SCGB2B2: variants seen among roughly 807,000 people sequenced by gnomAD.
The protein encoded by SCGB2B2 is secretoglobin family 2B member 2.
A neutral mutation model predicts 7.6 loss-of-function variants in SCGB2B2; 11 were observed. That is an observed-to-expected ratio of 1.45 (90% confidence interval 0.91 to 2.40). The LOEUF (loss-of-function observed/expected upper bound fraction) is 2.40, where lower values mean the gene tolerates loss of function less well. Among genes scored for constraint, SCGB2B2 ranks in the 30% most tolerant of loss-of-function variants. The pLI, the probability that SCGB2B2 is intolerant of heterozygous loss-of-function variation, is 0.00. For missense variants in SCGB2B2, 104 were observed against 115.4 expected, an observed-to-expected ratio of 0.90 and a Z score of 0.45; for synonymous variants, 50 against 48.6, an observed-to-expected ratio of 1.03 and a Z score of -0.12.
chr19:34,633,906 T>G (rs768153672), intron 1 of SCGB2B2, among the ~76,000 whole-genome samples: 6 of 152,192 alleles, frequency 3.9e-5, no homozygotes, highest in Non-Finnish European at 8.8e-5. Flanking sequence ...GGGACAGCCC[T>G]GCTTCAATGG....
chr19:34,668,669 T>C (rs1371352603), intron 1 of SCGB2B2, among the ~76,000 whole-genome samples: 2 of 152,228 alleles, frequency 1.3e-5, no homozygotes, highest in Middle Eastern at 3.4e-3. Flanking sequence ...AATACACCAG[T>C]CAGCACCCTG....
At chr19:34,654,769 C>G (rs1375311323) in intron 1 of SCGB2B2, among the ~76,000 whole-genome samples, 1 of 150,822 alleles carries the variant, frequency 6.6e-6, no homozygotes, top group Non-Finnish European at 1.5e-5. Flanking sequence ...CTCCACATAC[C>G]CTAGCCCCCA....
intron 1 of SCGB2B2, among the ~76,000 whole-genome samples, chr19:34,643,539 T>C (rs184693434): frequency 6.6e-6 from 1 of 152,234 alleles, no homozygotes; most frequent in African/African-American, 2.4e-5. Flanking sequence ...CAACCAAACA[T>C]TGTGTATTTC....
chr19:34,620,714 A>G (rs908919600), intron 1 of SCGB2B2, among the ~76,000 whole-genome samples: 1 of 152,250 alleles, frequency 6.6e-6, no homozygotes, highest in Non-Finnish European at 1.5e-5. Context: ...CATTTAAATT[A>G]TAATTCATAG....
chr19:34,633,613 C>A (rs1489962744), intron 1 of SCGB2B2, among the ~76,000 whole-genome samples: 2 of 152,076 alleles, frequency 1.3e-5, no homozygotes, highest in Non-Finnish European at 1.5e-5. Flanking sequence ...AATGGGGTGC[C>A]AGGGAGGGAG....
chr19:34,605,341 T>G (rs1221646818), intron 1 of SCGB2B2, among the ~76,000 whole-genome samples: 1 of 152,312 alleles, frequency 6.6e-6, no homozygotes, highest in South Asian at 2.1e-4. Flanking sequence ...TCATAGGCAC[T>G]TCCACTACAG....
intron 1 of SCGB2B2, among the ~76,000 whole-genome samples, chr19:34,652,512 A>T (rs749305608): frequency 2.8e-4 from 43 of 151,466 alleles, no homozygotes; most frequent in Non-Finnish European, 5.6e-4. Context: ...ATCTCTCATA[A>T]GATGACACAT....
intron 1 of SCGB2B2, among the ~76,000 whole-genome samples, chr19:34,604,882 C>CAT (rs539970307): frequency 4.1e-4 from 62 of 152,188 alleles, no homozygotes; most frequent in African/African-American, 1.4e-3. Flanking sequence ...GTATAAATGA[C>CAT]ATATAAGAAG....
At chr19:34,594,053 G>C (rs910022108) in intron 3 of SCGB2B2, 122 bp downstream of exon 3, 1 of 787,200 alleles carries the variant, frequency 1.3e-6, no homozygotes, top group Non-Finnish European at 2.1e-6. Context: ...CTGATTTTGC[G>C]CATCCTGGGA....
At chr19:34,625,292 C>T (rs1266308699) in intron 1 of SCGB2B2, among the ~76,000 whole-genome samples, 7 of 152,160 alleles carry the variant, frequency 4.6e-5, no homozygotes, top group African/African-American at 1.4e-4. Context: ...GGGTGCAGCG[C>T]ACCGAGTGTG....
intron 1 of SCGB2B2, among the ~76,000 whole-genome samples, chr19:34,653,143 A>C (rs1160296577): frequency 6.6e-6 from 1 of 151,238 alleles, no homozygotes; most frequent in African/African-American, 2.5e-5. Flanking sequence ...TCACATGTGG[A>C]AGTAAAAAAG....
intron 1 of SCGB2B2, among the ~76,000 whole-genome samples, chr19:34,649,526 CT>C (rs2067109245): frequency 1.3e-5 from 2 of 151,990 alleles, no homozygotes; most frequent in Non-Finnish European, 2.9e-5. Flanking sequence ...GAAAAAAAAA[CT>C]TTTTGCAATA....
chr19:34,590,615 T>TTC (rs1355839851), downstream of SCGB2B2, among the ~76,000 whole-genome samples: 1 of 152,246 alleles, frequency 6.6e-6, no homozygotes, highest in East Asian at 1.9e-4. Context: ...GCTAGGTTAA[T>TTC]ATTACTAAGT....
rs1038770284 is a variant in SCGB2B2, at chr19:34,676,578, C to CTA, written c.-2981_-2980insTA. On this transcript the variant is annotated 5_prime_UTR_variant, in exon 1 of 4. An upstream open reading frame in the 5' UTR gains an earlier in-frame stop. Coordinates refer to ENST00000601241, the MANE Select transcript of SCGB2B2 (RefSeq NM_001025591.4). ...GGAGTACCCATTGTTTCTTTACTTT[C>CTA]TTAATACACTTGCTTTGGCTTTGCA... 1 of 152,150 alleles carries CTA rather than the reference C, an allele frequency of 6.6e-6. No homozygotes were observed. The highest frequency in any genetic ancestry group is 2.4e-5 in the African/African-American group (1 of 41,420). The allele number at this position is 152,150 out of a possible 1,614,324, so 9.4% of individuals were successfully genotyped here. A position where few individuals can be genotyped will look rare whatever the true frequency, so the allele number is the denominator to read the frequency against.
At chr19:34,618,333 T>C (rs545038645) in intron 1 of SCGB2B2, among the ~76,000 whole-genome samples, 1 of 152,358 alleles carries the variant, frequency 6.6e-6, no homozygotes, top group Non-Finnish European at 1.5e-5. Context: ...TACAACCCTT[T>C]ACAATTTTCT....
chr19:34,676,261 C>T lies in SCGB2B2; in HGVS notation c.-2663G>A, dbSNP rs1446304473. The T allele has an allele frequency of 6.6e-6, 1 of 152,158 alleles. No individual in the cohort carries two copies. The highest frequency in any genetic ancestry group is 1.5e-5 in the Non-Finnish European group (1 of 68,052). 9.4% of individuals were successfully genotyped at this position (152,158 alleles called of 1,614,324 possible). ...CTATACAGAAAAGTTCTCCAAGGCC[C>T]CACCTGATCCAGAAGCCCAGCTGGC... On this transcript the variant is annotated 5_prime_UTR_variant, in exon 1 of 4. Transcript: ENST00000601241.
At chr19:34,608,263 T>C (rs925696766) in intron 1 of SCGB2B2, among the ~76,000 whole-genome samples, 6 of 152,110 alleles carry the variant, frequency 3.9e-5, no homozygotes, top group African/African-American at 1.4e-4. Context: ...GGATAGTTCA[T>C]TATCAATGTA....
Position 34,628,540 on chromosome 19 carries a change from A to G in SCGB2B2, c.-2031-31946T>C, listed in dbSNP as rs148379111. On this transcript the variant is annotated intron_variant, in intron 1 of 3. Coordinates refer to ENST00000601241, the MANE Select transcript of SCGB2B2 (RefSeq NM_001025591.4). Reference sequence around the variant, plus strand: ...AGAAGAAATGGATAAATTCCTGGACACATACACCCTCCCAAGACTAAACCG... The same window carrying G: ...AGAAGAAATGGATAAATTCCTGGACGCATACACCCTCCCAAGACTAAACCG... Among the ~76,000 whole-genome samples, 235 of 152,088 alleles carry G rather than the reference A, an allele frequency of 1.5e-3. 3 individuals carry two copies. Among genetic ancestry groups the G allele is most frequent in the African/African-American group, 5.4e-3 (226 of 41,548 alleles).
At chr19:34,647,906 C>T (rs1205706911) in intron 1 of SCGB2B2, among the ~76,000 whole-genome samples, 1 of 152,216 alleles carries the variant, frequency 6.6e-6, no homozygotes, top group Non-Finnish European at 1.5e-5. Flanking sequence ...CCTGAATAAC[C>T]TGAGGCAGCC....
Sources: gnomAD v4.1 joint callset for allele counts (sites outside exome capture counted in the v4.1 genomes callset) on GRCh38, gnomAD v4.1.1 for gene constraint, MANE v1.5 for transcripts, NCBI Gene and HGNC (gene_info 2026-07-23, HGNC 2026-07-21) for gene names.